HCN1: variants seen among roughly 807,000 people sequenced by gnomAD.
HCN1 encodes the protein potassium/sodium hyperpolarization-activated cyclic nucleotide-gated channel 1.
HCN1 carries 13 observed loss-of-function variants against 78.9 expected under a neutral mutation model. That is an observed-to-expected ratio of 0.16 (90% CI 0.11 to 0.26). The LOEUF (loss-of-function observed/expected upper bound fraction) is 0.26, where lower values mean the gene tolerates loss of function less well. HCN1 is among the 10% of genes least tolerant of loss of function. The pLI is 1.00. For missense variants in HCN1, 810 were observed against 1,154.3 expected (o/e 0.70, Z 4.32); for synonymous variants, 552 against 455.5 (o/e 1.21, Z -2.70).
intron 2 of HCN1, among the ~76,000 whole-genome samples, chr5:45,520,751 C>A (rs534545481): frequency 6.6e-6 from 1 of 151,912 alleles, no homozygotes; most frequent in East Asian, 1.9e-4. Flanking sequence ...TATGGCAGAG[C>A]CTGTATAAAG....
chr5:45,517,934 A>G (rs1742543839), intron 2 of HCN1, among the ~76,000 whole-genome samples: 1 of 152,172 alleles, frequency 6.6e-6, no homozygotes, highest in East Asian at 1.9e-4. Flanking sequence ...ACTGTAATAT[A>G]AGTTACTTGC....
At chr5:45,660,164 A>G (rs1458940061) in intron 1 of HCN1, among the ~76,000 whole-genome samples, 1 of 123,430 alleles carries the variant, frequency 8.1e-6, no homozygotes, top group East Asian at 2.5e-4. Flanking sequence ...TTCTTAAAGA[A>G]AAGAATTTTC....
chr5:45,343,007 T>C (rs1185445356), intron 5 of HCN1, among the ~76,000 whole-genome samples: 1 of 152,188 alleles, frequency 6.6e-6, no homozygotes, highest in Non-Finnish European at 1.5e-5. Context: ...TCCAGTCTCA[T>C]AGCTGATCAA....
chr5:45,552,916 A>G (rs1319034564), intron 2 of HCN1, among the ~76,000 whole-genome samples: 1 of 151,926 alleles, frequency 6.6e-6, no homozygotes, highest in African/African-American at 2.4e-5. Context: ...TGGAGACACA[A>G]ATAGGAGATC....
intron 4 of HCN1, among the ~76,000 whole-genome samples, chr5:45,373,200 T>C (rs1409404730): frequency 4.1e-5 from 5 of 122,668 alleles, no homozygotes; most frequent in Non-Finnish European, 6.3e-5. Flanking sequence ...GTATTTTATA[T>C]ATTTTATATA....
intron 2 of HCN1, among the ~76,000 whole-genome samples, chr5:45,597,744 C>CA (rs751965062): frequency 6.6e-6 from 1 of 152,102 alleles, no homozygotes; most frequent in Non-Finnish European, 1.5e-5. Context: ...AATCAGTGTG[C>CA]AAAAACACAA....
At position 45,696,193 on chromosome 5, in the gene HCN1, C is replaced by G. The variant is rs1374386135; in HGVS notation, c.-100G>C. On this transcript the variant is annotated 5_prime_UTR_variant, in exon 1 of 8. Transcript: ENST00000303230. The stretch of plus-strand genomic sequence containing the variant: ...GAGGGTAGGGGCCCGAGCCGGCTGC[C>G]GGCGAGCCCAGCTGCCCGTCGCGGC... 6.2e-6 allele frequency: 4 copies of G among 645,296 alleles called. No homozygotes were observed. Among genetic ancestry groups the G allele is most frequent in the Non-Finnish European group, 7.9e-6 (4 of 504,126 alleles). The allele number at this position is 645,296 out of a possible 1,614,324, so 40.0% of individuals were successfully genotyped here.
chr5:45,526,563 C>G (rs1375283449), intron 2 of HCN1, among the ~76,000 whole-genome samples: 2 of 152,104 alleles, frequency 1.3e-5, no homozygotes, highest in African/African-American at 4.8e-5. Flanking sequence ...CTGACCCAGC[C>G]AAAGAGTGTT....
intron 2 of HCN1, among the ~76,000 whole-genome samples, chr5:45,499,038 T>C (rs1047537390): frequency 6.6e-6 from 1 of 152,134 alleles, no homozygotes; most frequent in African/African-American, 2.4e-5. Context: ...TGTCTTTTTT[T>C]GTCTGTGCCC....
intron 4 of HCN1, among the ~76,000 whole-genome samples, chr5:45,379,962 A>G (rs1747769876): frequency 6.6e-6 from 1 of 152,108 alleles, no homozygotes; most frequent in African/African-American, 2.4e-5. Context: ...TTTACGGTAC[A>G]GATATGTAAA....
Position 45,365,257 on chromosome 5 carries a change from A to C in HCN1, c.1231-12011T>G, listed in dbSNP as rs2111996552. On this transcript the variant is annotated intron_variant, in intron 4 of 7. Transcript: ENST00000303230. ...TTTGTTATATGGGTATTACATGCAT[A>C]ATGGTGGTGACTGGGCTTCTAATGT... Among the ~76,000 whole-genome samples the C allele has an allele frequency of 1.3e-5, 2 of 151,978 alleles. 1 individual carries two copies. Among genetic ancestry groups the C allele is most frequent in the South Asian group, 4.1e-4 (2 of 4,822 alleles).
intron 3 of HCN1, among the ~76,000 whole-genome samples, chr5:45,443,508 T>G (rs983008204): frequency 2.0e-5 from 3 of 152,088 alleles, no homozygotes; most frequent in African/African-American, 7.2e-5. Flanking sequence ...ATTTTACAAT[T>G]AAAAGATTTA....
At chr5:45,631,584 A>T (rs1745270788) in intron 2 of HCN1, among the ~76,000 whole-genome samples, 1 of 152,138 alleles carries the variant, frequency 6.6e-6, no homozygotes, top group African/African-American at 2.4e-5. Context: ...AATTGTCTTC[A>T]GGAAACTATT....
chr5:45,358,953 T>G (rs971203331), intron 4 of HCN1, among the ~76,000 whole-genome samples: 6 of 152,118 alleles, frequency 3.9e-5, no homozygotes, highest in Admixed American at 3.9e-4. Context: ...TTGCCTTTAC[T>G]CCATGCCTTT....
At chr5:45,478,318 T>C (rs1475231689) in intron 2 of HCN1, among the ~76,000 whole-genome samples, 1 of 152,162 alleles carries the variant, frequency 6.6e-6, no homozygotes, top group African/African-American at 2.4e-5. Context: ...TACATTCTAT[T>C]GGGAAAAGGG....
intron 3 of HCN1, among the ~76,000 whole-genome samples, chr5:45,405,997 G>A (rs114577685): frequency 0.027 from 4,182 of 152,144 alleles, 82 homozygotes; most frequent in Non-Finnish European, 0.039. Context: ...TTAAAATTTA[G>A]TGATGCTTGA....
intron 6 of HCN1, among the ~76,000 whole-genome samples, chr5:45,288,279 T>C (rs1437978191): frequency 2.0e-5 from 3 of 152,082 alleles, no homozygotes; most frequent in Non-Finnish European, 4.4e-5. Context: ...TTTAAATTGC[T>C]AAGTGCTTGG....
chr5:45,304,811 G>T (rs1458437204), intron 5 of HCN1, among the ~76,000 whole-genome samples: 7 of 152,076 alleles, frequency 4.6e-5, no homozygotes, highest in Admixed American at 4.6e-4. Context: ...TTCCTGACTT[G>T]TTTGTTTTAT....
intron 6 of HCN1, among the ~76,000 whole-genome samples, chr5:45,297,534 T>G (rs1158038242): frequency 6.6e-6 from 1 of 152,004 alleles, no homozygotes; most frequent in Non-Finnish European, 1.5e-5. Context: ...CTACCAAATA[T>G]TTAAGGAATA....
Sources: gnomAD v4.1 joint callset for allele counts (sites outside exome capture counted in the v4.1 genomes callset) on GRCh38, gnomAD v4.1.1 for gene constraint, MANE v1.5 for transcripts, NCBI Gene and HGNC (gene_info 2026-07-23, HGNC 2026-07-21) for gene names.